The following WDR35 variants were observed in gnomAD, a reference collection of about 807,000 sequenced individuals.
WDR35 encodes WD repeat domain 35.
In WDR35, 118 loss-of-function variants were observed where a neutral mutation model predicts 158.3. The ratio of observed to expected loss-of-function variants is 0.75; its 90% CI spans 0.64 to 0.87. The LOEUF (loss-of-function observed/expected upper bound fraction) is 0.87. Ranked by LOEUF, WDR35 falls within the 40% of genes least tolerant of loss-of-function variation. The pLI is 0.00. For missense variants in WDR35, 1,263 were observed against 1,405.8 expected (o/e 0.90, Z 1.62); for synonymous variants, 448 against 476.1 (o/e 0.94, Z 0.77).
At position 19,926,887 on chromosome 2, in the gene WDR35, C is replaced by A. The variant is rs10167872; in HGVS notation, c.3121+3509G>T. 8.9e-3 allele frequency among the ~76,000 whole-genome samples: 1,038 copies of A among 117,072 alleles called. 10 individuals are homozygous for A. The highest frequency in any genetic ancestry group is 0.036 in the African/African-American group (987 of 27,288). The allele number at this position is 117,072 out of a possible 152,430, so 76.8% of individuals were successfully genotyped here. A position where few individuals can be genotyped will look rare whatever the true frequency, so the allele number is the denominator to read the frequency against. ...GAGCCAGATGCCAAGGAAGAGATTCCGGGAGGATCTCGAGGACCCCCCCCA... is the reference window on the plus strand; with the variant it reads ...GAGCCAGATGCCAAGGAAGAGATTCAGGGAGGATCTCGAGGACCCCCCCCA... On this transcript the variant is annotated intron_variant, in intron 25 of 26. Transcript: ENST00000281405.
chr2:19,961,221 A>G (rs1377261121), intron 10 of WDR35, among the ~76,000 whole-genome samples: 2 of 152,220 alleles, frequency 1.3e-5, no homozygotes, highest in African/African-American at 4.8e-5. Flanking sequence ...AGCAGTCTAC[A>G]AAAGGACAAC....
chr2:19,920,427 T>A (rs1379832340), intron 25 of WDR35, among the ~76,000 whole-genome samples: 3 of 152,200 alleles, frequency 2.0e-5, no homozygotes, highest in Non-Finnish European at 4.4e-5. Flanking sequence ...TGGTTCAACA[T>A]ACGCAAATCA....
chr2:19,933,579 A>G (rs1670595289), intron 21 of WDR35, 68 bp from the exon 22 acceptor site: 1 of 1,384,070 alleles, frequency 7.2e-7, no homozygotes, highest in South Asian at 1.2e-5. Context: ...TAATTTAACA[A>G]AACTCCGTAG....
intron 11 of WDR35, among the ~76,000 whole-genome samples, chr2:19,955,913 T>C (rs2103429246): frequency 6.6e-6 from 1 of 152,324 alleles, no homozygotes; most frequent in East Asian, 1.9e-4. Context: ...AGTAATTTTT[T>C]TTTTAATTCT....
intron 24 of WDR35, 133 bp from the exon 25 acceptor site, chr2:19,930,685 T>G (rs1670499434): frequency 2.2e-6 from 3 of 1,347,492 alleles, no homozygotes; most frequent in Non-Finnish European, 3.1e-6. Context: ...ACAGACTTTT[T>G]TTTTTAAGAG....
At chr2:19,981,151 C>T (rs1352887899) in intron 3 of WDR35, among the ~76,000 whole-genome samples, 1 of 152,104 alleles carries the variant, frequency 6.6e-6, no homozygotes, top group Non-Finnish European at 1.5e-5. Flanking sequence ...GTTTAGGGGA[C>T]TTTTATCATT....
intron 2 of WDR35, among the ~76,000 whole-genome samples, chr2:19,987,784 A>G (rs1672615127): frequency 2.1e-5 from 3 of 144,748 alleles, no homozygotes; most frequent in African/African-American, 7.7e-5. Context: ...AGATCCAGCC[A>G]CTGCACTCCA....
chr2:19,945,967 ACTC>A lies in WDR35; in HGVS notation c.1661_1663del (p.Gly554del), dbSNP rs1371579344. The A allele has an allele frequency of 6.2e-7, 1 of 1,613,898 alleles. No homozygotes were observed. Among genetic ancestry groups the A allele is most frequent in the Non-Finnish European group, 8.5e-7 (1 of 1,179,822 alleles). On this transcript the variant is annotated inframe_deletion, in exon 16 of 27. Coordinates refer to ENST00000281405, the MANE Select transcript of WDR35 (RefSeq NM_020779.4). Reference sequence around the variant, plus strand: ...AGCATCCAAGTCAAAGAAAGTCAGAACTCCTGAGATGTCTATGATAGCAAGACG... The same window carrying A: ...AGCATCCAAGTCAAAGAAAGTCAGAACTGAGATGTCTATGATAGCAAGACG...
chr2:19,966,780 T>C lies in WDR35; in HGVS notation c.1138A>G (p.Thr380Ala), dbSNP rs1490883883. 6.2e-7 allele frequency: 1 copy of C among 1,613,924 alleles called. No homozygotes were observed. The highest frequency in any genetic ancestry group is 1.3e-5 in the African/African-American group (1 of 74,932). ...VKYVKGLISI[T>A]TCGDFCILAT... ...AAAATGCAGAAATCTCCACAGGTAGTAATAGAAATGAGACCCTTCACATAT... is the reference window on the plus strand; with the variant it reads ...AAAATGCAGAAATCTCCACAGGTAGCAATAGAAATGAGACCCTTCACATAT... Residue 380 changes from threonine to alanine, a missense_variant, in exon 10 of 27, where the codon ACT becomes GCT. Thr to Ala is a moderately conservative substitution (Grantham distance 58). Coordinates refer to ENST00000281405, the MANE Select transcript of WDR35 (RefSeq NM_020779.4).
In WDR35 at chr2:19,911,455, T is replaced by C. The variant is rs1669831591; in HGVS notation, c.*2103A>G. On this transcript the variant is annotated 3_prime_UTR_variant, in exon 27 of 27. Coordinates refer to ENST00000281405, the MANE Select transcript of WDR35 (RefSeq NM_020779.4). ...TCTCTTTCCTTGATGAAGCAGAGAA[T>C]AGTCTCATCCCTAAAAACAGAAAGT... 1 of 152,234 alleles carries C rather than the reference T, an allele frequency of 6.6e-6. No homozygotes were observed. Among genetic ancestry groups the C allele is most frequent in the African/African-American group, 2.4e-5 (1 of 41,460 alleles). 9.4% of individuals were successfully genotyped at this position (152,234 alleles called of 1,614,324 possible). A position where few individuals can be genotyped will look rare whatever the true frequency, so the allele number is the denominator to read the frequency against.
At chr2:19,930,261 G>A in intron 25 of WDR35, 135 bp downstream of exon 25, 1 of 1,326,430 alleles carries the variant, frequency 7.5e-7, no homozygotes, top group Non-Finnish European at 1.1e-6. Context: ...GAATGCATAA[G>A]ACTCAAACAT....
At chr2:19,949,308 ATACTT>A (rs372505659) in intron 13 of WDR35, among the ~76,000 whole-genome samples, 4 of 152,344 alleles carry the variant, frequency 2.6e-5, no homozygotes, top group African/African-American at 9.6e-5. Context: ...GTGGCTATTT[ATACTT>A]TATTCTGAAA....
chr2:19,964,666 T>G (rs1671790304), intron 10 of WDR35, among the ~76,000 whole-genome samples: 1 of 152,008 alleles, frequency 6.6e-6, no homozygotes, highest in African/African-American at 2.4e-5. Flanking sequence ...TCACTCTTTT[T>G]AGAAATATTA....
At chr2:19,951,143 A>T (rs1172037774) in intron 13 of WDR35, among the ~76,000 whole-genome samples, 1 of 152,270 alleles carries the variant, frequency 6.6e-6, no homozygotes, top group South Asian at 2.1e-4. Flanking sequence ...GGAAGGTGTG[A>T]GGAGGAGAGG....
chr2:19,982,989 T>A (rs1163261593), intron 2 of WDR35, among the ~76,000 whole-genome samples: 2 of 152,138 alleles, frequency 1.3e-5, no homozygotes, highest in African/African-American at 4.8e-5. Flanking sequence ...TTACAAAAGG[T>A]TCTACATATA....
intron 10 of WDR35, 57 bp from the exon 11 acceptor site, chr2:19,960,671 AT>A (rs1671618977): frequency 8.0e-7 from 1 of 1,243,412 alleles, no homozygotes; most frequent in African/African-American, 1.5e-5. Context: ...AATAAAGGAA[AT>A]ATGCTTAATA....
intron 10 of WDR35, among the ~76,000 whole-genome samples, chr2:19,965,061 T>A (rs950906358): frequency 1.3e-5 from 2 of 152,048 alleles, no homozygotes; most frequent in Non-Finnish European, 2.9e-5. Flanking sequence ...GTAGCTGGGT[T>A]TACAGGCTTG....
At chr2:19,919,084 T>G (rs1325977736) in intron 25 of WDR35, among the ~76,000 whole-genome samples, 2 of 152,020 alleles carry the variant, frequency 1.3e-5, no homozygotes, top group African/African-American at 4.8e-5. Context: ...AACTCAGGAT[T>G]AAGAAACTCA....
chr2:19,931,521 A>C (rs1171666091), intron 23 of WDR35, 112 bp from the exon 24 acceptor site: 2 of 1,195,032 alleles, frequency 1.7e-6, no homozygotes. Flanking sequence ...AAAATCAGTA[A>C]GATGGAATAT....
Sources: gnomAD v4.1 joint callset for allele counts (sites outside exome capture counted in the v4.1 genomes callset) on GRCh38, gnomAD v4.1.1 for gene constraint, MANE v1.5 for transcripts, NCBI Gene and HGNC (gene_info 2026-07-23, HGNC 2026-07-21) for gene names.